NTN1: variants seen among roughly 807,000 people sequenced by gnomAD.
NTN1 encodes netrin-1.
NTN1 carries 11 observed loss-of-function variants against 54.2 expected under a neutral mutation model. That is an observed-to-expected ratio of 0.20 (90% CI 0.13 to 0.34). NTN1 has a LOEUF of 0.34. Ranked by LOEUF, NTN1 falls within the 10% of genes least tolerant of loss-of-function variation. The pLI, the probability that NTN1 is intolerant of heterozygous loss-of-function variation, is 1.00. For synonymous variants in NTN1, 371 were observed against 382.0 expected (o/e 0.97, Z 0.33); for missense variants, 740 against 893.1 (o/e 0.83, Z 2.18).
At chr17:9,206,476 C>T (rs1473754585) in intron 5 of NTN1, among the ~76,000 whole-genome samples, 2 of 152,084 alleles carry the variant, frequency 1.3e-5, no homozygotes, top group African/African-American at 2.4e-5. Context: ...GCCCTGCCCT[C>T]GGGGGGAGGG....
Position 9,221,401 on chromosome 17 carries a change from A to G in NTN1, c.1486+159A>G, listed in dbSNP as rs1905349516. Among the ~76,000 whole-genome samples the G allele has an allele frequency of 6.6e-6, 1 of 152,064 alleles. No homozygotes were observed. On this transcript the variant is annotated intron_variant, in intron 6 of 6. Coordinates refer to ENST00000173229, the MANE Select transcript of NTN1 (RefSeq NM_004822.3). The surrounding 1 kb of genome is among the most constrained non-coding windows in gnomAD (Gnocchi z 4.5). ...CGGATCCCACGCCTGGGAATTTCTC[A>G]TCTTTTCCTCCTTGGCCCTCAGAGA...
intron 2 of NTN1, among the ~76,000 whole-genome samples, chr17:9,104,051 T>G (rs2092158250): frequency 7.4e-6 from 1 of 135,728 alleles, no homozygotes. Context: ...ATGGTGCCAC[T>G]GTACTCCAGC....
intron 2 of NTN1, among the ~76,000 whole-genome samples, chr17:9,119,616 A>T (rs2092225967): frequency 6.6e-6 from 1 of 152,068 alleles, no homozygotes; most frequent in South Asian, 2.1e-4. Context: ...CTCCTGCTTC[A>T]GCCTCTCAAG....
intron 6 of NTN1, among the ~76,000 whole-genome samples, chr17:9,237,923 T>C (rs1022105718): frequency 3.3e-5 from 5 of 152,144 alleles, no homozygotes; most frequent in Non-Finnish European, 5.9e-5. Context: ...ATGGCAGCCA[T>C]TCTTTGGAGC....
intron 2 of NTN1, among the ~76,000 whole-genome samples, chr17:9,108,686 C>T (rs540844068): frequency 1.1e-4 from 17 of 152,304 alleles, no homozygotes; most frequent in African/African-American, 3.8e-4. Flanking sequence ...ATCCTGCCCA[C>T]TCATCCTTCA....
chr17:9,102,076 A>G (rs4791779), intron 2 of NTN1, among the ~76,000 whole-genome samples: 109,949 of 152,256 alleles, frequency 0.72, 40,159 homozygotes, highest in East Asian at 0.96. Flanking sequence ...AATTAGAGCC[A>G]CAAGGCACTA....
At chr17:9,189,557 G>C (rs1904394890) in intron 5 of NTN1, among the ~76,000 whole-genome samples, 3 of 152,018 alleles carry the variant, frequency 2.0e-5, no homozygotes, top group Admixed American at 1.3e-4. Flanking sequence ...TCACCATGTT[G>C]GCCAGGCTGG....
At chr17:9,185,918 G>A (rs778154634) in intron 5 of NTN1, among the ~76,000 whole-genome samples, 28 of 152,196 alleles carry the variant, frequency 1.8e-4, no homozygotes, top group Non-Finnish European at 3.2e-4. Flanking sequence ...ATGCAATGGC[G>A]TCTCCTTTCT....
At chr17:9,181,614 C>T (rs1053191011) in intron 4 of NTN1, among the ~76,000 whole-genome samples, 1 of 152,212 alleles carries the variant, frequency 6.6e-6, no homozygotes, top group Non-Finnish European at 1.5e-5. Flanking sequence ...ACTTGTTCTT[C>T]CTAAAGGAGC....
At chr17:9,201,121 A>C (rs1298468367) in intron 5 of NTN1, among the ~76,000 whole-genome samples, 2 of 152,222 alleles carry the variant, frequency 1.3e-5, no homozygotes, top group Non-Finnish European at 2.9e-5. Context: ...TCATCTTATG[A>C]GGCAGAATTT....
At chr17:9,164,354 G>T (rs1379622192) in intron 3 of NTN1, among the ~76,000 whole-genome samples, 2 of 152,096 alleles carry the variant, frequency 1.3e-5, no homozygotes, top group Non-Finnish European at 2.9e-5. Context: ...GAGCCTGGGA[G>T]GCGGAGGTTG....
In NTN1 at chr17:9,239,977, CAGCGGGCG is replaced by C; in HGVS notation, c.*10_*17del. 2 of 123,980 alleles carry C rather than the reference CAGCGGGCG, an allele frequency of 1.6e-5. No individual in the cohort carries two copies. Among genetic ancestry groups the C allele is most frequent in the African/African-American group, 3.9e-5 (1 of 25,916 alleles). The allele number at this position is 123,980 out of a possible 1,614,324, so 7.7% of individuals were successfully genotyped here. On this transcript the variant is annotated 3_prime_UTR_variant, in exon 7 of 7. Transcript: ENST00000173229. The surrounding 1 kb of genome is among the most constrained non-coding windows in gnomAD (Gnocchi z 5.2). ...AGTGCAAGAAGGCCTAGCGCCGAGG[CAGCGGGCG>C]GGCGGGCGGGCGGGCGCCAGGGCGG...
chr17:9,117,329 G>T (rs1164868943), intron 2 of NTN1, among the ~76,000 whole-genome samples: 1 of 152,208 alleles, frequency 6.6e-6, no homozygotes, highest in Non-Finnish European at 1.5e-5. Flanking sequence ...GGCCCGGCCT[G>T]GGGCGGAAAC....
chr17:9,220,119 C>T (rs567166198), intron 5 of NTN1, among the ~76,000 whole-genome samples: 67 of 152,332 alleles, frequency 4.4e-4, no homozygotes, highest in African/African-American at 1.5e-3. Flanking sequence ...GTCAGAGTAT[C>T]GCCTAACCAA....
intron 2 of NTN1, among the ~76,000 whole-genome samples, chr17:9,114,156 A>ATATATATATAT (rs1343963464): frequency 1.0e-4 from 9 of 87,258 alleles, no homozygotes; most frequent in African/African-American, 3.5e-4. Context: ...AAAAAAAGAA[A>ATATATATATAT]AAAAAAAAAA....
chr17:9,158,003 G>A (rs2092347966), intron 2 of NTN1, among the ~76,000 whole-genome samples: 1 of 152,236 alleles, frequency 6.6e-6, no homozygotes, highest in Admixed American at 6.5e-5. Flanking sequence ...TCTGTGTGGA[G>A]CCGAGGGATC....
At chr17:9,142,305 A>G (rs1337053986) in intron 2 of NTN1, among the ~76,000 whole-genome samples, 2 of 150,752 alleles carry the variant, frequency 1.3e-5, no homozygotes. Context: ...AAAAAAAAAA[A>G]AAGAAAAAAA....
chr17:9,022,688 C>T lies in NTN1; in HGVS notation c.315C>T (p.Pro105=), dbSNP rs750215121. 4 of 1,589,484 alleles carry T rather than the reference C, an allele frequency of 2.5e-6. No individual in the cohort carries two copies. Among genetic ancestry groups the T allele is most frequent in the Non-Finnish European group, 1.7e-6 (2 of 1,169,402 alleles). ...NASDPKKAHP[P]AFLTDLNNPH... ...CCGACCCCAAGAAGGCGCACCCGCC[C>T]GCCTTCCTCACCGACCTCAACAACC... Residue 105 remains proline, a synonymous_variant, in exon 2 of 7, where the codon CCC becomes CCT. Transcript: ENST00000173229.
chr17:9,030,779 A>G (rs955692205), intron 2 of NTN1, among the ~76,000 whole-genome samples: 30 of 152,002 alleles, frequency 2.0e-4, no homozygotes, highest in African/African-American at 6.0e-4. Context: ...GAAAAGAAAG[A>G]TGGTTCTGTA....
Sources: allele counts gnomAD v4.1 joint callset (sites outside exome capture counted in the v4.1 genomes callset), GRCh38; gene constraint gnomAD v4.1.1; non-coding constraint Gnocchi (gnomAD v3.1); transcripts MANE v1.5; gene names NCBI Gene and HGNC (gene_info 2026-07-23, HGNC 2026-07-21).